The following CD2AP variants were observed in gnomAD, a reference collection of about 807,000 sequenced individuals.
CD2AP encodes CD2 associated protein.
Under a neutral mutation model 85.1 loss-of-function variants are expected in CD2AP, and 46 were observed. That is an observed-to-expected ratio of 0.54 (90% CI 0.43 to 0.69). The LOEUF (loss-of-function observed/expected upper bound fraction) is 0.69. Among genes scored for constraint, CD2AP ranks in the 30% least tolerant of loss-of-function variants. The pLI is 0.00. For missense variants in CD2AP, 769 were observed against 729.5 expected (o/e 1.05, Z -0.62); for synonymous variants, 255 against 252.9 (o/e 1.01, Z -0.08).
chr6:47,600,929 G>A (rs944009052), intron 13 of CD2AP, among the ~76,000 whole-genome samples: 2 of 151,848 alleles, frequency 1.3e-5, no homozygotes, highest in African/African-American at 4.8e-5. Context: ...TATCACATAA[G>A]TCTTTAAATG....
chr6:47,562,796 C>T, intron 5 of CD2AP: 1 of 1,154,550 alleles, frequency 8.7e-7, no homozygotes, highest in Non-Finnish European at 1.3e-6. Context: ...TGTGATGAGC[C>T]TTTGTATGTC....
intron 1 of CD2AP, among the ~76,000 whole-genome samples, chr6:47,497,891 T>C (rs1433579683): frequency 6.6e-6 from 1 of 152,242 alleles, no homozygotes; most frequent in Admixed American, 6.5e-5. Context: ...CTAGAACTTT[T>C]TGTCTCCCGT....
intron 5 of CD2AP, among the ~76,000 whole-genome samples, chr6:47,569,094 T>A (rs889943539): frequency 3.9e-5 from 6 of 152,010 alleles, no homozygotes; most frequent in African/African-American, 1.4e-4. Flanking sequence ...AGAAAGGAGG[T>A]TAGGCAGTGT....
intron 4 of CD2AP, among the ~76,000 whole-genome samples, chr6:47,549,872 A>G (rs1395402399): frequency 3.9e-5 from 6 of 152,212 alleles, no homozygotes; most frequent in East Asian, 1.9e-4. Flanking sequence ...ATATTGACCA[A>G]TGGAACAGAA....
At chr6:47,546,375 A>G (rs1180522268) in intron 4 of CD2AP, among the ~76,000 whole-genome samples, 1 of 152,196 alleles carries the variant, frequency 6.6e-6, no homozygotes, top group African/African-American at 2.4e-5. Flanking sequence ...AAACGTAAGA[A>G]TAGTTGGCCT....
intron 2 of CD2AP, among the ~76,000 whole-genome samples, chr6:47,524,849 G>A (rs1306046672): frequency 6.6e-6 from 1 of 152,122 alleles, no homozygotes; most frequent in Non-Finnish European, 1.5e-5. Flanking sequence ...TTTCAAAGTA[G>A]GTCTGCTATA....
chr6:47,619,372 T>G (rs184523034), intron 17 of CD2AP, among the ~76,000 whole-genome samples: 112 of 152,336 alleles, frequency 7.4e-4, no homozygotes, highest in African/African-American at 2.1e-3. Flanking sequence ...AGTCTCCAAT[T>G]TCATGCAGGT....
intron 5 of CD2AP, among the ~76,000 whole-genome samples, chr6:47,569,401 C>G (rs904251987): frequency 1.3e-5 from 2 of 151,944 alleles, no homozygotes; most frequent in African/African-American, 4.8e-5. Context: ...ATATTTCTGA[C>G]TTTTGATATC....
chr6:47,578,436 C>T (rs970959985), intron 8 of CD2AP, among the ~76,000 whole-genome samples: 2 of 152,110 alleles, frequency 1.3e-5, no homozygotes, highest in South Asian at 2.1e-4. Context: ...GTGTTGCAAA[C>T]TCCTGGCGTC....
chr6:47,622,888 G>A (rs1007400398), intron 17 of CD2AP, among the ~76,000 whole-genome samples: 2 of 152,178 alleles, frequency 1.3e-5, no homozygotes, highest in Non-Finnish European at 2.9e-5. Context: ...ATAACTAAAT[G>A]TATGTCACAA....
At chr6:47,584,158 T>G (rs1459776732) in intron 11 of CD2AP, among the ~76,000 whole-genome samples, 1 of 152,206 alleles carries the variant, frequency 6.6e-6, no homozygotes, top group East Asian at 1.9e-4. Context: ...TTAGTAGATG[T>G]CTTTTGCAAA....
intron 11 of CD2AP, among the ~76,000 whole-genome samples, chr6:47,584,877 T>C (rs1001857033): frequency 7.9e-5 from 12 of 152,220 alleles, no homozygotes; most frequent in African/African-American, 2.9e-4. Flanking sequence ...AAGAGGTATA[T>C]TGCTGGCTTT....
chr6:47,625,623 T>C lies in CD2AP; in HGVS notation c.*1396T>C, dbSNP rs1443767769. 6.6e-6 allele frequency: 1 copy of C among 151,830 alleles called. No individual in the cohort carries two copies. Among genetic ancestry groups the C allele is most frequent in the Non-Finnish European group, 1.5e-5 (1 of 67,736 alleles). The allele number at this position is 151,830 out of a possible 1,614,324, so 9.4% of individuals were successfully genotyped here. A position where few individuals can be genotyped will look rare whatever the true frequency, so the allele number is the denominator to read the frequency against. The stretch of plus-strand genomic sequence containing the variant: ...ATTATATCGCAAATGAGTGTCAGAT[T>C]TTTGAGTACCAATGATCATGCTTCC... On this transcript the variant is annotated 3_prime_UTR_variant, in exon 18 of 18. Transcript: ENST00000359314.
intron 12 of CD2AP, among the ~76,000 whole-genome samples, 159 bp from the exon 13 acceptor site, chr6:47,599,142 G>A (rs1769033965): frequency 7.2e-6 from 1 of 138,682 alleles, no homozygotes; most frequent in Non-Finnish European, 1.7e-5. Context: ...ATTTTATTGT[G>A]ATCAGCCTTA....
chr6:47,543,075 C>T (rs559422478), intron 3 of CD2AP, among the ~76,000 whole-genome samples: 20 of 129,980 alleles, frequency 1.5e-4, no homozygotes, highest in African/African-American at 4.7e-4. Context: ...CGCTTGAACT[C>T]GGGAGGTGGA....
intron 4 of CD2AP, among the ~76,000 whole-genome samples, chr6:47,546,918 C>G (rs1043802477): frequency 5.3e-5 from 8 of 152,202 alleles, no homozygotes; most frequent in Admixed American, 2.0e-4. Context: ...TTGTATCCAG[C>G]AAAACTTAGC....
intron 1 of CD2AP, among the ~76,000 whole-genome samples, chr6:47,489,911 A>T (rs966721141): frequency 1.3e-5 from 2 of 151,570 alleles, no homozygotes; most frequent in Non-Finnish European, 2.9e-5. Context: ...TTAAATATTT[A>T]TCTTCTAAAA....
At chr6:47,580,084 G>A (rs10498774) in intron 9 of CD2AP, among the ~76,000 whole-genome samples, 38,270 of 152,074 alleles carry the variant, frequency 0.25, 5,522 homozygotes, top group East Asian at 0.6. Context: ...TACCATGTTA[G>A]GTTTAAGCCA....
intron 5 of CD2AP, among the ~76,000 whole-genome samples, chr6:47,556,378 A>G (rs946920890): frequency 2.2e-5 from 3 of 137,584 alleles, no homozygotes; most frequent in African/African-American, 8.0e-5. Context: ...TCCAAAGGAC[A>G]TGAACTCATT....
Sources: gnomAD v4.1 joint callset for allele counts (sites outside exome capture counted in the v4.1 genomes callset) on GRCh38, gnomAD v4.1.1 for gene constraint, MANE v1.5 for transcripts, NCBI Gene and HGNC (gene_info 2026-07-23, HGNC 2026-07-21) for gene names.